The following NTNG2 variants were observed in gnomAD, a reference collection of about 807,000 sequenced individuals.
NTNG2 encodes the protein netrin-G2.
NTNG2 carries 15 observed loss-of-function variants against 47.6 expected under a neutral mutation model. That is an observed-to-expected ratio of 0.32 (90% confidence interval 0.21 to 0.49). The LOEUF (loss-of-function observed/expected upper bound fraction) is 0.49. NTNG2 is among the 20% of genes least tolerant of loss of function. The pLI is 0.99. For synonymous variants in NTNG2, 307 were observed against 324.6 expected (o/e 0.95, Z 0.58); for missense variants, 578 against 764.6 (o/e 0.76, Z 2.88).
chr9:132,234,089 G>A (rs1282090684), intron 5 of NTNG2, among the ~76,000 whole-genome samples: 1 of 150,078 alleles, frequency 6.7e-6, no homozygotes, highest in Admixed American at 6.7e-5. Context: ...GTGCAATGGA[G>A]CAATCTCAGC....
At chr9:132,239,020 T>A (rs199657519) in intron 5 of NTNG2, 84 bp from the exon 6 acceptor site, 1 of 1,395,036 alleles carries the variant, frequency 7.2e-7, no homozygotes, top group Non-Finnish European at 1.0e-6. Context: ...CTGCATGACC[T>A]GGGGTGAGTC....
intron 2 of NTNG2, among the ~76,000 whole-genome samples, chr9:132,167,599 G>A (rs942151004): frequency 6.6e-5 from 10 of 152,186 alleles, no homozygotes; most frequent in African/African-American, 2.4e-4. Context: ...GGGTTAAGCT[G>A]GGACAGACAG....
At chr9:132,201,640 C>T (rs983000434) in intron 3 of NTNG2, among the ~76,000 whole-genome samples, 4 of 152,226 alleles carry the variant, frequency 2.6e-5, no homozygotes, top group East Asian at 3.9e-4. Context: ...CTCAGAATTT[C>T]GTGACTGCCA....
intron 2 of NTNG2, among the ~76,000 whole-genome samples, chr9:132,187,941 C>CCAAGGCACAGATAGGG (rs1274548632): frequency 6.6e-6 from 1 of 152,204 alleles, no homozygotes; most frequent in Non-Finnish European, 1.5e-5. Context: ...AACGGGGAAA[C>CCAAGGCACAGATAGGG]CAAGGCACAG....
chr9:132,213,909 T>G (rs781530462), intron 3 of NTNG2, among the ~76,000 whole-genome samples: 3 of 152,218 alleles, frequency 2.0e-5, no homozygotes, highest in African/African-American at 4.8e-5. Context: ...GCAATGTGAT[T>G]AATGACCAGG....
At chr9:132,240,771 C>T in intron 6 of NTNG2, 139 bp from the exon 7 acceptor site, 1 of 1,313,014 alleles carries the variant, frequency 7.6e-7, no homozygotes, top group Non-Finnish European at 1.0e-6. Context: ...CGTCCAGCCG[C>T]GGGCTCACGT....
chr9:132,233,415 T>G (rs570414086), intron 5 of NTNG2: 2 of 152,380 alleles, frequency 1.3e-5, no homozygotes, highest in East Asian at 3.9e-4. Context: ...CTGGGCAGAT[T>G]GTGCAAAGTT....
At position 132,241,879 on chromosome 9, in the gene NTNG2, A is replaced by T. The variant is rs909582011; in HGVS notation, c.1361A>T (p.Asn454Ile). 2.5e-6 allele frequency: 4 copies of T among 1,570,688 alleles called. No individual in the cohort carries two copies. The African/African-American group carries it at 5.6e-5, about 22-fold the overall frequency. ...THYWRQGCYP[N>I]VCDDDQLLCQ... ...TGACCGCCCCCTCCGCCTGCAGCCA[A>T]CGTGTGCGACGACGACCAGCTGCTG... Residue 454 changes from asparagine to isoleucine, a missense_variant, in exon 8 of 8, where the codon AAC becomes ATC. By Grantham distance (149) the Asn-to-Ile change is moderately radical. Coordinates refer to ENST00000393229, the MANE Select transcript of NTNG2 (RefSeq NM_032536.4).
intron 2 of NTNG2, among the ~76,000 whole-genome samples, chr9:132,175,398 C>T (rs1176324919): frequency 2.0e-5 from 3 of 152,198 alleles, no homozygotes; most frequent in African/African-American, 7.2e-5. Flanking sequence ...GAACCCAGAA[C>T]ATGGAAGCCC....
chr9:132,230,036 A>G (rs1411067346), intron 4 of NTNG2, among the ~76,000 whole-genome samples: 1 of 152,216 alleles, frequency 6.6e-6, no homozygotes, highest in Non-Finnish European at 1.5e-5. Context: ...AAGTTCCCTC[A>G]TAGGGTTCTT....
At chr9:132,214,398 C>T (rs1023765867) in intron 3 of NTNG2, among the ~76,000 whole-genome samples, 1 of 152,228 alleles carries the variant, frequency 6.6e-6, no homozygotes, top group African/African-American at 2.4e-5. Context: ...GCCAGGGCCC[C>T]TGTCATCCTT....
At position 132,235,765 on chromosome 9, in the gene NTNG2, C is replaced by T. The variant is rs78187358; in HGVS notation, c.1055-3339C>T. ...TGATGGGCCTGAGACCCCGGGGAAGCGCCCTCTTAGACTCGTAGGCCCCTC... is the reference window on the plus strand; with the variant it reads ...TGATGGGCCTGAGACCCCGGGGAAGTGCCCTCTTAGACTCGTAGGCCCCTC... On this transcript the variant is annotated intron_variant, in intron 5 of 7. Transcript: ENST00000393229. Among the ~76,000 whole-genome samples, 6 of 152,330 alleles carry T rather than the reference C, an allele frequency of 3.9e-5. No individual in the cohort carries two copies. The East Asian group carries it at 5.8e-4, about 15-fold the overall frequency.
intron 2 of NTNG2, among the ~76,000 whole-genome samples, chr9:132,175,014 C>G (rs968222635): frequency 6.6e-6 from 1 of 152,062 alleles, no homozygotes; most frequent in African/African-American, 2.4e-5. Flanking sequence ...AACCCACAGC[C>G]AGAGGCACAG....
chr9:132,240,254 G>A (rs1049337536), intron 6 of NTNG2, among the ~76,000 whole-genome samples: 2 of 152,250 alleles, frequency 1.3e-5, no homozygotes, highest in Non-Finnish European at 2.9e-5. Flanking sequence ...GATCAAAGCC[G>A]CTGACGTCAC....
chr9:132,239,742 G>A (rs1196095526), intron 6 of NTNG2, among the ~76,000 whole-genome samples: 3 of 152,266 alleles, frequency 2.0e-5, no homozygotes, highest in African/African-American at 4.8e-5. Context: ...GCCTTGCTGC[G>A]TGCATTTGTG....
chr9:132,207,893 C>T (rs1163657334), intron 3 of NTNG2, among the ~76,000 whole-genome samples: 1 of 152,178 alleles, frequency 6.6e-6, no homozygotes. Flanking sequence ...TGCTTGAGCG[C>T]AGGAGTTCAA....
intron 2 of NTNG2, among the ~76,000 whole-genome samples, chr9:132,177,234 G>A (rs568000479): frequency 2.0e-5 from 3 of 152,182 alleles, no homozygotes; most frequent in Admixed American, 6.5e-5. Context: ...CGATCTGCCC[G>A]CCTGGGCCTC....
chr9:132,213,331 C>CAAAA (rs61393543), intron 3 of NTNG2, among the ~76,000 whole-genome samples: 145 of 104,298 alleles, frequency 1.4e-3, no homozygotes, highest in Non-Finnish European at 2.3e-3. Context: ...GACTCCATCT[C>CAAAA]AAAAAAAAAA....
At chr9:132,173,642 G>A (rs529994100) in intron 2 of NTNG2, among the ~76,000 whole-genome samples, 40 of 152,360 alleles carry the variant, frequency 2.6e-4, no homozygotes, top group Non-Finnish European at 4.4e-4. Context: ...GGCAGTGGAT[G>A]GATGGACAGA....
Sources: gnomAD v4.1 joint callset for allele counts (sites outside exome capture counted in the v4.1 genomes callset) on GRCh38, gnomAD v4.1.1 for gene constraint, MANE v1.5 for transcripts, NCBI Gene and HGNC (gene_info 2026-07-23, HGNC 2026-07-21) for gene names.